TENM2: variants seen among roughly 807,000 people sequenced by gnomAD.
The protein encoded by TENM2 is teneurin transmembrane protein 2.
TENM2 carries 52 observed loss-of-function variants against 245.2 expected under a neutral mutation model. That is an observed-to-expected ratio of 0.21 (90% CI 0.17 to 0.27). TENM2 has a LOEUF of 0.27. Among genes scored for constraint, TENM2 ranks in the 10% least tolerant of loss-of-function variants. The pLI is 1.00. For missense variants in TENM2, 3,046 were observed against 3,666.8 expected (o/e 0.83, Z 4.37); for synonymous variants, 1,363 against 1,438.9 (o/e 0.95, Z 1.19).
chr5:167,016,757 TTGTCAGCTTTG>T, the TENM2 span, among the ~76,000 whole-genome samples: 1 of 152,172 alleles, frequency 6.6e-6, no homozygotes, highest in Admixed American at 6.5e-5. Context: ...CCTAATCTAG[TTGTCAGCTTTG>T]TGCTCAACTG....
At chr5:167,401,099 A>G (rs1762343531) in intron 2 of TENM2, among the ~76,000 whole-genome samples, 1 of 152,084 alleles carries the variant, frequency 6.6e-6, no homozygotes, top group Non-Finnish European at 1.5e-5. Context: ...CTCTTAAAAA[A>G]TAAAGAAATT....
intron 2 of TENM2, among the ~76,000 whole-genome samples, chr5:167,485,848 A>G (rs1768030271): frequency 2.6e-5 from 4 of 152,332 alleles, no homozygotes; most frequent in Middle Eastern, 6.8e-3. Context: ...GTTTTAATGT[A>G]GAAAAGTATT....
the TENM2 span, among the ~76,000 whole-genome samples, chr5:167,076,660 A>G: frequency 1.1e-4 from 16 of 152,288 alleles, no homozygotes; most frequent in African/African-American, 3.9e-4. Context: ...CTTTTAAGAA[A>G]TAAGATTAAC....
At chr5:167,678,399 A>T (rs80269285) in intron 2 of TENM2, among the ~76,000 whole-genome samples, 1,657 of 152,182 alleles carry the variant, frequency 0.011, 32 homozygotes, top group African/African-American at 0.037. Context: ...GGCGTTTTTT[A>T]CTTCAGTGGC....
the TENM2 span, among the ~76,000 whole-genome samples, chr5:167,008,326 T>A: frequency 1.7e-3 from 262 of 152,264 alleles, 1 homozygote; most frequent in Middle Eastern, 6.8e-3. Context: ...GTTGATATAG[T>A]TTTAAATTTT....
intron 27 of TENM2, among the ~76,000 whole-genome samples, chr5:168,257,334 C>T (rs551628440): frequency 5.9e-5 from 9 of 152,136 alleles, no homozygotes; most frequent in Non-Finnish European, 1.0e-4. Context: ...CTGAGCAAGA[C>T]TGAAAAGAGG....
At chr5:167,124,257 T>C in the TENM2 span, among the ~76,000 whole-genome samples, 10 of 152,210 alleles carry the variant, frequency 6.6e-5, no homozygotes, top group Admixed American at 6.5e-4. Flanking sequence ...ACCATAAAAG[T>C]TTTTGTAAAG....
intron 7 of TENM2, among the ~76,000 whole-genome samples, chr5:168,070,578 C>T (rs1401102868): frequency 2.8e-5 from 4 of 145,266 alleles, no homozygotes; most frequent in Non-Finnish European, 4.5e-5. Flanking sequence ...CCCAGGATAT[C>T]AAGACCGCCC....
intron 3 of TENM2, among the ~76,000 whole-genome samples, chr5:167,901,247 A>C (rs1265468521): frequency 6.6e-6 from 1 of 152,148 alleles, no homozygotes; most frequent in Non-Finnish European, 1.5e-5. Context: ...CTGAATTGTT[A>C]GCACCTACCA....
intron 3 of TENM2, among the ~76,000 whole-genome samples, chr5:167,919,240 C>A (rs1042023362): frequency 3.9e-5 from 6 of 152,318 alleles, no homozygotes; most frequent in African/African-American, 1.4e-4. Flanking sequence ...CACAGAGGAG[C>A]AGTCATTTTG....
intron 6 of TENM2, among the ~76,000 whole-genome samples, chr5:168,052,047 G>T (rs780449573): frequency 6.6e-6 from 1 of 151,762 alleles, no homozygotes; most frequent in Admixed American, 6.6e-5. Flanking sequence ...ATCACTTAAG[G>T]CCAGGAGGTC....
intron 17 of TENM2, among the ~76,000 whole-genome samples, chr5:168,202,516 G>A (rs1315268659): frequency 2.0e-5 from 3 of 148,992 alleles, no homozygotes; most frequent in African/African-American, 7.5e-5. Context: ...TTGCTATCTA[G>A]TATGATAAAG....
intron 2 of TENM2, among the ~76,000 whole-genome samples, chr5:167,853,297 A>AAAAAAAAAAAAAAAAAAAAAAAAAG (rs1561856624): frequency 2.1e-5 from 3 of 141,504 alleles, no homozygotes; most frequent in African/African-American, 8.0e-5. Context: ...CTCAAAAAAA[A>AAAAAAAAAAAAAAAAAAAAAAAAAG]AAAAAAAAAA....
chr5:167,323,988 C>T (rs1255831390), intron 1 of TENM2, among the ~76,000 whole-genome samples: 1 of 152,184 alleles, frequency 6.6e-6, no homozygotes, highest in Non-Finnish European at 1.5e-5. Context: ...GAACCTATGG[C>T]ATGATGTATT....
At chr5:167,677,493 A>T (rs1052374333) in intron 2 of TENM2, among the ~76,000 whole-genome samples, 1 of 151,436 alleles carries the variant, frequency 6.6e-6, no homozygotes, top group Non-Finnish European at 1.5e-5. Context: ...GTTTGCTGTG[A>T]TTGCTGTCTT....
At chr5:167,240,803 A>G in the TENM2 span, among the ~76,000 whole-genome samples, 1 of 152,178 alleles carries the variant, frequency 6.6e-6, no homozygotes, top group Non-Finnish European at 1.5e-5. Context: ...AGAACAAGAA[A>G]AATTTCCCGA....
At chr5:167,183,556 A>C in the TENM2 span, among the ~76,000 whole-genome samples, 2 of 152,176 alleles carry the variant, frequency 1.3e-5, no homozygotes, top group Middle Eastern at 3.2e-3. Context: ...GAATAAATGT[A>C]TCATGTTTAG....
intron 2 of TENM2, among the ~76,000 whole-genome samples, chr5:167,606,615 G>T (rs1777069928): frequency 6.6e-6 from 1 of 152,022 alleles, no homozygotes; most frequent in Non-Finnish European, 1.5e-5. Context: ...TGCTAAGAGG[G>T]TAGTTCCCAA....
At chr5:167,344,898 T>C (rs1304386191) in intron 1 of TENM2, among the ~76,000 whole-genome samples, 1 of 152,130 alleles carries the variant, frequency 6.6e-6, no homozygotes, top group Admixed American at 6.6e-5. Flanking sequence ...GGGTAAAGAA[T>C]GCCCATTTTG....
Sources: allele counts gnomAD v4.1 joint callset (sites outside exome capture counted in the v4.1 genomes callset), GRCh38; gene constraint gnomAD v4.1.1; transcripts MANE v1.5; gene names NCBI Gene and HGNC (gene_info 2026-07-23, HGNC 2026-07-21).